The following PDE10A variants were observed in gnomAD, a reference collection of about 807,000 sequenced individuals.
PDE10A encodes the protein phosphodiesterase 10A, also known as cAMP and cAMP-inhibited cGMP 3',5'-cyclic phosphodiesterase 10A.
Under a neutral mutation model 97.7 loss-of-function variants are expected in PDE10A, and 39 were observed. The ratio of observed to expected loss-of-function variants is 0.40; its 90% CI spans 0.31 to 0.52. The LOEUF (loss-of-function observed/expected upper bound fraction) is 0.52, where lower values mean the gene tolerates loss of function less well. Among genes scored for constraint, PDE10A ranks in the 20% least tolerant of loss-of-function variants. The pLI is 0.56. For missense variants in PDE10A, 731 were observed against 1,047.8 expected (o/e 0.70, Z 4.17); for synonymous variants, 371 against 376.8 (o/e 0.98, Z 0.18).
chr6:165,732,299 C>A (rs557746505), intron 1 of PDE10A, among the ~76,000 whole-genome samples: 1 of 152,184 alleles, frequency 6.6e-6, no homozygotes, highest in African/African-American at 2.4e-5. Context: ...ACCTCTCTTT[C>A]GGGATTCTGA....
chr6:165,468,148 G>A (rs938253137), intron 3 of PDE10A, among the ~76,000 whole-genome samples: 7 of 152,036 alleles, frequency 4.6e-5, no homozygotes, highest in African/African-American at 7.2e-5. Context: ...GCACAGTCTC[G>A]GCTCACTGCA....
At chr6:165,564,963 A>G (rs1294110990) in intron 1 of PDE10A, among the ~76,000 whole-genome samples, 1 of 152,192 alleles carries the variant, frequency 6.6e-6, no homozygotes, top group African/African-American at 2.4e-5. Context: ...TGGATTTTTT[A>G]AAAATAACTC....
At chr6:165,761,646 T>C (rs1021894379) in intron 1 of PDE10A, among the ~76,000 whole-genome samples, 3 of 152,182 alleles carry the variant, frequency 2.0e-5, no homozygotes, top group Admixed American at 6.5e-5. Context: ...TAATTACAGT[T>C]CTAGTTAAAC....
chr6:165,336,351 T>A (rs1781646311), intron 20 of PDE10A, 140 bp from the exon 21 acceptor site: 1 of 647,176 alleles, frequency 1.5e-6, no homozygotes, highest in Admixed American at 2.7e-5. Context: ...GTATGTGATA[T>A]CTGGGTTCCA....
chr6:165,424,939 G>T (rs1789006646), intron 10 of PDE10A, among the ~76,000 whole-genome samples: 1 of 152,006 alleles, frequency 6.6e-6, no homozygotes, highest in South Asian at 2.1e-4. Context: ...ATCTGTTGTG[G>T]ACCCACAACA....
intron 1 of PDE10A, among the ~76,000 whole-genome samples, chr6:165,958,460 AAAAG>A (rs58327980): frequency 0.65 from 75,853 of 116,896 alleles, 26,645 homozygotes; most frequent in East Asian, 0.86. Flanking sequence ...GAGAGAAAAC[AAAAG>A]AAAGAAAGAA....
chr6:165,352,100 C>G (rs750970892), intron 18 of PDE10A, among the ~76,000 whole-genome samples: 1 of 152,202 alleles, frequency 6.6e-6, no homozygotes, highest in African/African-American at 2.4e-5. Context: ...GTCATCCACC[C>G]ACCTTGGCCT....
intron 1 of PDE10A, among the ~76,000 whole-genome samples, chr6:165,753,636 C>T (rs1217557809): frequency 3.3e-5 from 5 of 152,192 alleles, no homozygotes; most frequent in Admixed American, 2.6e-4. Context: ...CAGATGCTAA[C>T]TTGCTTAAAT....
At chr6:165,619,409 C>G (rs62647935) in intron 1 of PDE10A, among the ~76,000 whole-genome samples, 359 of 7,096 alleles carry the variant, frequency 0.051, 2 homozygotes, top group Non-Finnish European at 0.068. Context: ...GTAGTGTAGT[C>G]TAGTGTAGTG....
At chr6:165,550,384 TA>T (rs754608945) in intron 1 of PDE10A, among the ~76,000 whole-genome samples, 67 of 152,332 alleles carry the variant, frequency 4.4e-4, no homozygotes, top group Admixed American at 1.0e-3. Context: ...AAACAATAAG[TA>T]AAATCATTTT....
In PDE10A at chr6:165,534,009, AG is replaced by A. The variant is rs774991164; in HGVS notation, c.994+9430del. 1.8e-4 allele frequency among the ~76,000 whole-genome samples: 27 copies of A among 152,248 alleles called. No homozygotes were observed. The South Asian group carries it at 1.9e-3, about 11-fold the overall frequency. ...CTAACCTGGCCAAATACTCTCAGAA[AG>A]AATATATCAGATGAGAATAGGCAAT... On this transcript the variant is annotated intron_variant, in intron 2 of 21. Transcript: ENST00000539869.
chr6:165,354,706 G>A (rs1245201010), intron 18 of PDE10A, among the ~76,000 whole-genome samples: 1 of 152,170 alleles, frequency 6.6e-6, no homozygotes, highest in Non-Finnish European at 1.5e-5. Context: ...ACAGGTGGAG[G>A]AGTCCACATC....
intron 1 of PDE10A, among the ~76,000 whole-genome samples, chr6:165,931,057 C>G (rs975452519): frequency 6.6e-6 from 1 of 152,208 alleles, no homozygotes; most frequent in Non-Finnish European, 1.5e-5. Flanking sequence ...AGATGGGGAC[C>G]TCGCGCATTT....
intron 1 of PDE10A, among the ~76,000 whole-genome samples, chr6:165,572,869 C>T (rs1284835656): frequency 6.6e-6 from 1 of 152,228 alleles, no homozygotes; most frequent in African/African-American, 2.4e-5. Flanking sequence ...TCATCCTCAG[C>T]TTTACTTCCA....
chr6:165,712,908 G>A (rs1162038911), intron 1 of PDE10A, among the ~76,000 whole-genome samples: 2 of 152,098 alleles, frequency 1.3e-5, no homozygotes, highest in Non-Finnish European at 2.9e-5. Context: ...CCAGAGTGCT[G>A]GGATTACAGG....
At chr6:165,713,031 CCT>C (rs1012200275) in intron 1 of PDE10A, among the ~76,000 whole-genome samples, 3 of 152,170 alleles carry the variant, frequency 2.0e-5, no homozygotes, top group African/African-American at 7.2e-5. Flanking sequence ...GGGCTCAGGC[CCT>C]GTTTCAGTCA....
intron 3 of PDE10A, among the ~76,000 whole-genome samples, chr6:165,474,341 A>G (rs2128275287): frequency 6.6e-6 from 1 of 152,354 alleles, no homozygotes; most frequent in South Asian, 2.1e-4. Context: ...AGAAGAAATA[A>G]CATACAAGAT....
chr6:165,356,729 C>T (rs1783050480), intron 18 of PDE10A, among the ~76,000 whole-genome samples: 1 of 152,098 alleles, frequency 6.6e-6, no homozygotes, highest in Admixed American at 6.5e-5. Context: ...TGTTCATATA[C>T]AAAAAATATA....
At chr6:165,693,055 T>C (rs958202136) in intron 1 of PDE10A, among the ~76,000 whole-genome samples, 1 of 152,190 alleles carries the variant, frequency 6.6e-6, no homozygotes, top group Non-Finnish European at 1.5e-5. Context: ...AGGTGTCACA[T>C]TTTAATTTAA....
Sources: gnomAD v4.1 joint callset for allele counts (sites outside exome capture counted in the v4.1 genomes callset) on GRCh38, gnomAD v4.1.1 for gene constraint, MANE v1.5 for transcripts, NCBI Gene and HGNC (gene_info 2026-07-23, HGNC 2026-07-21) for gene names.